SP110: variants seen among roughly 807,000 people sequenced by gnomAD.
The protein encoded by SP110 is interferon-induced protein 41, 30kD.
A neutral mutation model predicts 92.7 loss-of-function variants in SP110; 62 were observed. The ratio of observed to expected loss-of-function variants is 0.67; its 90% CI spans 0.55 to 0.83. The LOEUF (loss-of-function observed/expected upper bound fraction) is 0.83, where lower values mean the gene tolerates loss of function less well. SP110 is among the 40% of genes least tolerant of loss of function. The probability of loss-of-function intolerance (pLI) is 0.00; values close to 1 mark genes in which losing one functional copy is unlikely to be tolerated. For synonymous variants in SP110, 273 were observed against 305.3 expected (o/e 0.89, Z 1.10); for missense variants, 793 against 863.9 (o/e 0.92, Z 1.03).
At position 230,170,661 on chromosome 2, in the gene SP110, T is replaced by G. The variant is rs780195098; in HGVS notation, c.1988A>C (p.Asp663Ala). ...ATGGTTGCGAAACATCAGGCGCATGTCTCGCACAAACCATGCCACCGTGTA... is the reference window on the plus strand; with the variant it reads ...ATGGTTGCGAAACATCAGGCGCATGGCTCGCACAAACCATGCCACCGTGTA... ...EMYTVAWFVR[D>A]MRLMFRNHKT... Residue 663 changes from aspartate to alanine, a missense_variant, in exon 18 of 19, where the codon GAC becomes GCC. Coordinates refer to ENST00000258381, the MANE Select transcript of SP110 (RefSeq NM_080424.4). The G allele has an allele frequency of 1.2e-5, 19 of 1,614,144 alleles. No individual in the cohort carries two copies. The highest frequency in any genetic ancestry group is 1.4e-5 in the Non-Finnish European group (16 of 1,180,008).
In SP110 at chr2:230,172,866, T is replaced by A; in HGVS notation, c.1684A>T (p.Ile562Phe). 1 of 1,613,784 alleles carries A rather than the reference T, an allele frequency of 6.2e-7. No individual in the cohort carries two copies. The highest frequency in any genetic ancestry group is 8.5e-7 in the Non-Finnish European group (1 of 1,179,670). The stretch of plus-strand genomic sequence containing the variant: ...CACCTCTTGGCTTCCACAGGGGGGA[T>A]GTGACAGTCCTCATGGAAGACTCGT... ...CPRVFHEDCHIPPVEAKRMLW... is the reference protein window; with the variant it reads ...CPRVFHEDCHFPPVEAKRMLW... Residue 562 changes from isoleucine (I) to phenylalanine (F), a missense_variant, in exon 15 of 19, where the codon ATC becomes TTC. Ile to Phe is a conservative substitution (Grantham distance 21). Transcript: ENST00000258381.
In SP110 at chr2:230,209,930, C is replaced by A; in HGVS notation, c.829+1G>T. 2 of 1,588,170 alleles carry A rather than the reference C, an allele frequency of 1.3e-6. No homozygotes were observed. The highest frequency in any genetic ancestry group is 1.7e-6 in the Non-Finnish European group (2 of 1,156,372). On this transcript the variant is annotated splice_donor_variant, in intron 7 of 18. Coordinates refer to ENST00000258381, the MANE Select transcript of SP110 (RefSeq NM_080424.4). LOFTEE classifies it high-confidence loss of function. ...CTCTACAGAAGAAAGGCTTTTCTTA[C>A]CTTTCTTGTCTGAAGGTGTGCTGGA...
upstream of SP110, among the ~76,000 whole-genome samples, chr2:230,221,539 G>T (rs1440300795): frequency 6.6e-6 from 1 of 152,190 alleles, no homozygotes; most frequent in Non-Finnish European, 1.5e-5. Context: ...ATGGCTGTGG[G>T]TGAAACAGAG....
chr2:230,198,316 T>C (rs2042972402), intron 10 of SP110, among the ~76,000 whole-genome samples: 1 of 152,160 alleles, frequency 6.6e-6, no homozygotes, highest in Non-Finnish European at 1.5e-5. Context: ...AGAGCTAGTA[T>C]AGCAGAGCTG....
chr2:230,210,487 A>G (rs994422389), intron 6 of SP110, among the ~76,000 whole-genome samples: 4 of 152,236 alleles, frequency 2.6e-5, no homozygotes, highest in Admixed American at 6.5e-5. Flanking sequence ...TTTGACGTCT[A>G]TGTGTGGATA....
rs1031073862 is a variant in SP110, at chr2:230,165,209, A to G, written c.*3915T>C. 6.6e-6 allele frequency among the ~76,000 whole-genome samples: 1 copy of G among 152,242 alleles called. No homozygotes were observed. The highest frequency in any genetic ancestry group is 2.4e-5 in the African/African-American group (1 of 41,460). ...AATTTTGAAGGTGAGAAGTTATGAT[A>G]AGTTATATATTATGTTATTAATTTA... On this transcript the variant is annotated 3_prime_UTR_variant, in exon 19 of 19. Transcript: ENST00000258381.
intron 10 of SP110, among the ~76,000 whole-genome samples, chr2:230,196,474 T>C (rs1488859803): frequency 2.0e-5 from 3 of 152,078 alleles, no homozygotes; most frequent in African/African-American, 7.2e-5. Flanking sequence ...TGCATACTTA[T>C]ACAAAAATAA....
Position 230,166,138 on chromosome 2 carries a change from C to T in SP110, c.*2986G>A, listed in dbSNP as rs547406170. ...CGATCTCTTGACCTCGCGATCCACT[C>T]GCCTCAGCCTCCCAAAGTGCTGGGA... On this transcript the variant is annotated 3_prime_UTR_variant, in exon 19 of 19. Transcript: ENST00000258381. Among the ~76,000 whole-genome samples the T allele has an allele frequency of 9.8e-5, 15 of 152,290 alleles. No individual in the cohort carries two copies. In the South Asian group the frequency reaches 3.1e-3, roughly 32 times the overall value.
Position 230,169,226 on chromosome 2 carries a change from A to G in SP110, c.2040T>C (p.Phe680=). The change falls in exon 19 of 19, where the codon TTT becomes TTC. Residue 680 remains phenylalanine, a synonymous_variant. Transcript: ENST00000258381. ...NHKTFYKASD[F]GQVGLDLEAE... is the part of the protein sequence containing the mutation. The stretch of plus-strand genomic sequence containing the variant: ...CCTCTAAGTCAAGTCCTACCTGGCC[A>G]AAGTCAGAAGCCTGAAAGAGAAAAA... The G allele has an allele frequency of 6.3e-7, 1 of 1,599,686 alleles. No individual in the cohort carries two copies. Among genetic ancestry groups the G allele is most frequent in the Non-Finnish European group, 8.6e-7 (1 of 1,166,816 alleles).
Position 230,181,058 on chromosome 2 carries a change from T to C in SP110, c.1348+2514A>G, listed in dbSNP as rs1346716994. ...AGTAATGTACACATTTATATGGTTATCAGGACCACTGCATGAAGTTGTATG... is the reference window on the plus strand; with the variant it reads ...AGTAATGTACACATTTATATGGTTACCAGGACCACTGCATGAAGTTGTATG... On this transcript the variant is annotated intron_variant, in intron 12 of 18. Coordinates refer to ENST00000258381, the MANE Select transcript of SP110 (RefSeq NM_080424.4). Among the ~76,000 whole-genome samples the C allele has an allele frequency of 2.0e-5, 3 of 152,352 alleles. No homozygotes were observed. The East Asian group carries it at 5.8e-4, about 29-fold the overall frequency.
chr2:230,216,417 C>A (rs919323104), intron 2 of SP110, among the ~76,000 whole-genome samples: 2 of 152,140 alleles, frequency 1.3e-5, no homozygotes, highest in Non-Finnish European at 2.9e-5. Context: ...TAAGGATTTC[C>A]AACAGCTACC....
intron 2 of SP110, among the ~76,000 whole-genome samples, chr2:230,215,578 G>A (rs2045057063): frequency 6.6e-6 from 1 of 152,230 alleles, no homozygotes; most frequent in South Asian, 2.1e-4. Flanking sequence ...AGATAAGCCT[G>A]AATGGATTCC....
intron 12 of SP110, among the ~76,000 whole-genome samples, chr2:230,179,284 G>A (rs1323591356): frequency 1.3e-5 from 2 of 152,122 alleles, no homozygotes; most frequent in South Asian, 2.1e-4. Flanking sequence ...AGGATGCCTG[G>A]CCTCACAGGA....
At chr2:230,187,704 A>G (rs2042420123) in intron 10 of SP110, among the ~76,000 whole-genome samples, 1 of 152,042 alleles carries the variant, frequency 6.6e-6, no homozygotes, top group African/African-American at 2.4e-5. Flanking sequence ...TTATTCTTTT[A>G]CATGTGGCTA....
chr2:230,201,006 A>T (rs41309108), intron 9 of SP110, 41 bp from the exon 10 acceptor site: 173,673 of 1,472,944 alleles, frequency 0.12, 12,884 homozygotes, highest in South Asian at 0.26. Flanking sequence ...CTTGGGAAAC[A>T]CCATGGAGAA....
In SP110 at chr2:230,169,148, G is replaced by C; in HGVS notation, c.2118C>G (p.Asp706Glu). Residue 706 changes from aspartate to glutamate, a missense_variant, in exon 19 of 19, where the codon GAC (aspartate) becomes GAG (glutamate). Asp to Glu is a conservative substitution (Grantham distance 45). Coordinates refer to ENST00000258381, the MANE Select transcript of SP110 (RefSeq NM_080424.4). ...GTCAAGGAAGAGTCCAGAAACCGCC[G>C]TCATTGGCTTCATGAAAACCGAGCA... is the stretch of plus-strand genomic sequence containing the variant. ...KDVLGFHEAN[D>E]GGFWTLP The C allele has an allele frequency of 1.2e-6, 2 of 1,613,038 alleles. No homozygotes were observed. Among genetic ancestry groups the C allele is most frequent in the Non-Finnish European group, 1.7e-6 (2 of 1,179,106 alleles).
rs992058743 is a variant in SP110 at position 230,166,576 on chromosome 2, A to G, written c.*2548T>C. Among the ~76,000 whole-genome samples the G allele has an allele frequency of 7.0e-6, 1 of 142,228 alleles. No homozygotes were observed. Among genetic ancestry groups the G allele is most frequent in the Non-Finnish European group, 1.6e-5 (1 of 61,712 alleles). The allele number at this position is 142,228 out of a possible 152,430, so 93.3% of individuals were successfully genotyped here. A position where few individuals can be genotyped will look rare whatever the true frequency, so the allele number is the denominator to read the frequency against. On this transcript the variant is annotated 3_prime_UTR_variant, in exon 19 of 19. Coordinates refer to ENST00000258381, the MANE Select transcript of SP110 (RefSeq NM_080424.4). ...TACATTAAATACCCTCTGCAATGGTATATTAAATCTATAACAAACAAAAAT... is the reference window on the plus strand; with the variant it reads ...TACATTAAATACCCTCTGCAATGGTGTATTAAATCTATAACAAACAAAAAT...
At position 230,165,205 on chromosome 2, in the gene SP110, T is replaced by C. The variant is rs762210217; in HGVS notation, c.*3919A>G. ...AATCAATTTTGAAGGTGAGAAGTTATGATAAGTTATATATTATGTTATTAA... is the reference window on the plus strand; with the variant it reads ...AATCAATTTTGAAGGTGAGAAGTTACGATAAGTTATATATTATGTTATTAA... On this transcript the variant is annotated 3_prime_UTR_variant, in exon 19 of 19. Transcript: ENST00000258381. Among the ~76,000 whole-genome samples the C allele has an allele frequency of 8.5e-5, 13 of 152,236 alleles. No homozygotes were observed. Among genetic ancestry groups the C allele is most frequent in the Non-Finnish European group, 1.9e-4 (13 of 68,044 alleles).
chr2:230,212,112 G>A (rs1214637424), intron 5 of SP110, among the ~76,000 whole-genome samples: 2 of 152,340 alleles, frequency 1.3e-5, no homozygotes, highest in East Asian at 3.9e-4. Flanking sequence ...TGAGGAATCA[G>A]CTAAGGGTCA....
Sources: allele counts gnomAD v4.1 joint callset (sites outside exome capture counted in the v4.1 genomes callset), GRCh38; gene constraint gnomAD v4.1.1; transcripts MANE v1.5; gene names NCBI Gene and HGNC (gene_info 2026-07-23, HGNC 2026-07-21).